The following CSMD3 variants were observed in gnomAD, a reference collection of about 807,000 sequenced individuals.
The protein encoded by CSMD3 is CUB and Sushi multiple domains 3.
In CSMD3, 177 loss-of-function variants were observed where a neutral mutation model predicts 435.2. That is an observed-to-expected ratio of 0.41 (90% CI 0.36 to 0.46). CSMD3 has a LOEUF of 0.46. Ranked by LOEUF, CSMD3 falls within the 20% of genes least tolerant of loss-of-function variation. The pLI is 0.34. For missense variants in CSMD3, 4,265 were observed against 4,504.6 expected (o/e 0.95, Z 1.52); for synonymous variants, 1,656 against 1,520.5 (o/e 1.09, Z -2.07).
intron 1 of CSMD3, among the ~76,000 whole-genome samples, chr8:113,330,413 G>T (rs1046208077): frequency 6.6e-6 from 1 of 151,678 alleles, no homozygotes; most frequent in Non-Finnish European, 1.5e-5. Flanking sequence ...AATATATAAG[G>T]CGTACAGCAA....
chr8:113,432,431 G>T, intron 1 of CSMD3, among the ~76,000 whole-genome samples: 1 of 152,326 alleles, frequency 6.6e-6, no homozygotes, highest in South Asian at 2.1e-4. Flanking sequence ...ATCCCTGTGC[G>T]TGCCCCTGTG....
intron 22 of CSMD3, among the ~76,000 whole-genome samples, chr8:112,592,504 C>T (rs776095462): frequency 6.6e-6 from 1 of 151,900 alleles, no homozygotes; most frequent in Non-Finnish European, 1.5e-5. Context: ...TCCCCTTAAA[C>T]ATTTGTTTTT....
chr8:112,730,095 T>C (rs1042577188), intron 13 of CSMD3, among the ~76,000 whole-genome samples: 4 of 152,094 alleles, frequency 2.6e-5, no homozygotes, highest in Non-Finnish European at 5.9e-5. Flanking sequence ...TTTGTAGATA[T>C]AGTGAAACAG....
intron 35 of CSMD3, among the ~76,000 whole-genome samples, chr8:112,394,720 C>T (rs551854940): frequency 5.3e-5 from 8 of 152,116 alleles, no homozygotes; most frequent in Non-Finnish European, 5.9e-5. Context: ...CCAGCTCCTG[C>T]TTTATTTTTT....
chr8:113,417,514 G>C (rs946414464), intron 1 of CSMD3, among the ~76,000 whole-genome samples: 2 of 151,850 alleles, frequency 1.3e-5, no homozygotes, highest in African/African-American at 4.8e-5. Flanking sequence ...ATGATATCTT[G>C]AACACTTCTC....
chr8:112,871,372 C>G (rs2081130156), intron 10 of CSMD3, among the ~76,000 whole-genome samples: 1 of 151,808 alleles, frequency 6.6e-6, no homozygotes, highest in Non-Finnish European at 1.5e-5. Context: ...AATTAGTAAC[C>G]TAGGAAGAAA....
At chr8:112,545,201 T>C (rs1473818290) in intron 27 of CSMD3, among the ~76,000 whole-genome samples, 2 of 152,106 alleles carry the variant, frequency 1.3e-5, no homozygotes, top group Non-Finnish European at 2.9e-5. Flanking sequence ...ATGCTCCTCC[T>C]GGCCAGGCAC....
chr8:112,573,969 G>T (rs1470485338), intron 23 of CSMD3, among the ~76,000 whole-genome samples: 2 of 151,900 alleles, frequency 1.3e-5, no homozygotes, highest in Non-Finnish European at 2.9e-5. Context: ...CCTACCTAAA[G>T]ATTGGTTTCT....
chr8:113,024,794 A>G (rs1345979374), intron 5 of CSMD3, among the ~76,000 whole-genome samples: 2 of 152,114 alleles, frequency 1.3e-5, no homozygotes, highest in Admixed American at 1.3e-4. Flanking sequence ...TTTCATCAGT[A>G]GTAAAGTCAG....
At chr8:112,934,165 T>C (rs1332316867) in intron 9 of CSMD3, among the ~76,000 whole-genome samples, 1 of 152,044 alleles carries the variant, frequency 6.6e-6, no homozygotes, top group African/African-American at 2.4e-5. Context: ...CTGGAAAGCT[T>C]TGTGGATGTT....
At chr8:112,371,257 T>C (rs1412383897) in intron 38 of CSMD3, among the ~76,000 whole-genome samples, 1 of 152,184 alleles carries the variant, frequency 6.6e-6, no homozygotes, top group Non-Finnish European at 1.5e-5. Context: ...TCTCTTTTTC[T>C]CCTTAAAATA....
intron 66 of CSMD3, 94 bp from the exon 67 acceptor site, chr8:112,237,442 T>C: frequency 1.1e-6 from 1 of 896,528 alleles, no homozygotes; most frequent in Non-Finnish European, 1.8e-6. Flanking sequence ...TAATGATGTA[T>C]TGCTAATACA....
chr8:112,701,775 C>G (rs1427095715), intron 13 of CSMD3, among the ~76,000 whole-genome samples: 1 of 152,182 alleles, frequency 6.6e-6, no homozygotes, highest in East Asian at 1.9e-4. Flanking sequence ...CCATAAGCAA[C>G]CTAAGTGTTA....
intron 1 of CSMD3, among the ~76,000 whole-genome samples, chr8:113,396,113 T>C (rs1028244083): frequency 6.6e-6 from 1 of 152,162 alleles, no homozygotes; most frequent in Non-Finnish European, 1.5e-5. Context: ...AAAAAAACTC[T>C]CTAAGGAATG....
chr8:112,942,023 G>C (rs2083465871), intron 9 of CSMD3, among the ~76,000 whole-genome samples: 1 of 151,528 alleles, frequency 6.6e-6, no homozygotes, highest in African/African-American at 2.4e-5. Context: ...CAAACACATA[G>C]TGTCATTATT....
intron 57 of CSMD3, 34 bp from the exon 58 acceptor site, chr8:112,287,280 C>T (rs1218428081): frequency 1.2e-6 from 2 of 1,607,502 alleles, no homozygotes; most frequent in Non-Finnish European, 1.7e-6. Context: ...TAACCAATTC[C>T]CATAAACATT....
chr8:112,507,082 T>C (rs963433481), intron 28 of CSMD3, among the ~76,000 whole-genome samples: 3 of 152,132 alleles, frequency 2.0e-5, no homozygotes, highest in Non-Finnish European at 2.9e-5. Flanking sequence ...AATGCATATA[T>C]ACTTTTCTGT....
intron 4 of CSMD3, among the ~76,000 whole-genome samples, chr8:113,149,444 C>G (rs2091755856): frequency 6.6e-6 from 1 of 151,720 alleles, no homozygotes; most frequent in African/African-American, 2.4e-5. Flanking sequence ...AATTCAAAAT[C>G]TCTGCTCAAG....
chr8:113,006,440 G>A (rs551446990), intron 6 of CSMD3, among the ~76,000 whole-genome samples: 4 of 152,160 alleles, frequency 2.6e-5, no homozygotes, highest in African/African-American at 7.2e-5. Flanking sequence ...TAGTGGAAGA[G>A]TGATACCTTT....
Sources: gnomAD v4.1 joint callset for allele counts (sites outside exome capture counted in the v4.1 genomes callset) on GRCh38, gnomAD v4.1.1 for gene constraint, MANE v1.5 for transcripts, NCBI Gene and HGNC (gene_info 2026-07-23, HGNC 2026-07-21) for gene names.